The following ZFPM2 variants were observed in gnomAD, a reference collection of about 807,000 sequenced individuals.
The protein encoded by ZFPM2 is zinc finger protein ZFPM2.
Under a neutral mutation model 98.6 loss-of-function variants are expected in ZFPM2, and 20 were observed. The observed-to-expected ratio is 0.20, with a 90% CI of 0.14 to 0.29. The LOEUF is 0.29. Ranked by LOEUF, ZFPM2 falls within the 10% of genes least tolerant of loss-of-function variation. The pLI, the probability that ZFPM2 is intolerant of heterozygous loss-of-function variation, is 1.00. For missense variants in ZFPM2, 1,310 were observed against 1,388.6 expected, an observed-to-expected ratio of 0.94 and a Z score of 0.90; for synonymous variants, 518 against 502.7, an observed-to-expected ratio of 1.03 and a Z score of -0.41.
intron 5 of ZFPM2, among the ~76,000 whole-genome samples, chr8:105,730,379 G>T (rs17220879): frequency 2.0e-5 from 3 of 151,644 alleles, no homozygotes; most frequent in Admixed American, 6.6e-5. Flanking sequence ...CTCATATTTA[G>T]GTCCCACTGC....
rs1563606984 is a variant in ZFPM2 at position 105,330,619 on chromosome 8, T to TATATATACATATATATATACAC, written c.40+11645_40+11646insCATATATATATACACATATATA. Among the ~76,000 whole-genome samples, 432 of 88,444 alleles carry TATATATACATATATATATACAC rather than the reference T, an allele frequency of 4.9e-3. 20 individuals carry two copies. The highest frequency in any genetic ancestry group is 0.01 in the Admixed American group (82 of 8,054). 58.0% of individuals were successfully genotyped at this position (88,444 alleles called of 152,430 possible). A position where few individuals can be genotyped will look rare whatever the true frequency, so the allele number is the denominator to read the frequency against. ...ACATATATATATATATACACATATATATATATATATATACATATATATATA... is the reference window on the plus strand; with the variant it reads ...ACATATATATATATATACACATATATATATATACATATATATATACACATATATATATATACATATATATATA... On this transcript the variant is annotated intron_variant, in intron 1 of 7. Coordinates refer to ENST00000407775, the MANE Select transcript of ZFPM2 (RefSeq NM_012082.4).
intron 5 of ZFPM2, among the ~76,000 whole-genome samples, chr8:105,689,907 C>A (rs187995394): frequency 6.6e-4 from 100 of 152,260 alleles, no homozygotes; most frequent in African/African-American, 2.3e-3. Flanking sequence ...AGGATACAGA[C>A]TGAAAGAGAG....
intron 5 of ZFPM2, among the ~76,000 whole-genome samples, chr8:105,668,482 A>G (rs1005860101): frequency 2.0e-5 from 3 of 152,178 alleles, no homozygotes; most frequent in African/African-American, 7.2e-5. Context: ...TTCAGGCAGT[A>G]GAAGTATCCC....
chr8:105,788,759 G>C lies in ZFPM2; in HGVS notation c.574G>C (p.Gly192Arg). Residue 192 changes from glycine (G) to arginine (R), a missense_variant, in exon 6 of 8, where the codon GGT (glycine) becomes CGT (arginine). Coordinates refer to ENST00000407775, the MANE Select transcript of ZFPM2 (RefSeq NM_012082.4). Reference sequence around the variant, plus strand: ...TACAACTACGAAGGCCATCTCTGAGGGTGAAGAGCTAATTGCCTTTGTGGT... The same window carrying C: ...TACAACTACGAAGGCCATCTCTGAGCGTGAAGAGCTAATTGCCTTTGTGGT... ...WCTTTKAISE[G>R]EELIAFVVDF... The C allele has an allele frequency of 6.2e-7, 1 of 1,613,952 alleles. No homozygotes were observed.
chr8:105,428,169 G>T (rs967124011), intron 2 of ZFPM2, among the ~76,000 whole-genome samples: 1 of 152,138 alleles, frequency 6.6e-6, no homozygotes, highest in Non-Finnish European at 1.5e-5. Flanking sequence ...ATCTGAAGAA[G>T]GTTAGATATA....
intron 1 of ZFPM2, among the ~76,000 whole-genome samples, chr8:105,401,704 A>C (rs1008383452): frequency 6.6e-6 from 1 of 152,244 alleles, no homozygotes; most frequent in South Asian, 2.1e-4. Flanking sequence ...TGAACCCCAA[A>C]CTATCAAAAC....
intron 5 of ZFPM2, among the ~76,000 whole-genome samples, chr8:105,781,649 CAG>C (rs1813253153): frequency 6.6e-6 from 1 of 152,050 alleles, no homozygotes; most frequent in Non-Finnish European, 1.5e-5. Context: ...AGCTGGGAGA[CAG>C]AGGTTGCAGT....
At chr8:105,658,289 T>C (rs1008955630) in intron 5 of ZFPM2, among the ~76,000 whole-genome samples, 4 of 152,042 alleles carry the variant, frequency 2.6e-5, no homozygotes, top group Admixed American at 2.6e-4. Context: ...CAGTCAGTCT[T>C]TAGAAATCAA....
At chr8:105,420,855 T>A (rs1252929326) in intron 2 of ZFPM2, among the ~76,000 whole-genome samples, 1 of 152,170 alleles carries the variant, frequency 6.6e-6, no homozygotes, top group Non-Finnish European at 1.5e-5. Context: ...AGAAGGTGAA[T>A]AAAAGAGTTA....
chr8:105,517,359 A>G (rs1813946035), intron 3 of ZFPM2, among the ~76,000 whole-genome samples: 1 of 152,228 alleles, frequency 6.6e-6, no homozygotes, highest in Admixed American at 6.5e-5. Flanking sequence ...ACTTGATGAT[A>G]TAAAAATTCT....
intron 5 of ZFPM2, among the ~76,000 whole-genome samples, chr8:105,749,453 A>G (rs955238630): frequency 1.3e-5 from 2 of 152,032 alleles, no homozygotes; most frequent in African/African-American, 2.4e-5. Context: ...TGAAACCTGC[A>G]TTACTTCCTC....
At chr8:105,514,696 TC>T (rs1452319179) in intron 3 of ZFPM2, among the ~76,000 whole-genome samples, 4 of 152,194 alleles carry the variant, frequency 2.6e-5, no homozygotes, top group African/African-American at 9.7e-5. Flanking sequence ...TCCTGTTACT[TC>T]CCTGAGGGTC....
chr8:105,556,533 G>A (rs1814994284), intron 3 of ZFPM2, among the ~76,000 whole-genome samples: 1 of 152,044 alleles, frequency 6.6e-6, no homozygotes, highest in Non-Finnish European at 1.5e-5. Flanking sequence ...GGATCACATG[G>A]CTTATTACAG....
At chr8:105,441,498 G>GAAATCAA (rs1812249060) in intron 2 of ZFPM2, among the ~76,000 whole-genome samples, 6 of 105,958 alleles carry the variant, frequency 5.7e-5, no homozygotes, top group African/African-American at 2.4e-4. Context: ...AAGAAAGAAA[G>GAAATCAA]AAATCAAAGC....
chr8:105,442,348 C>CAAAACA (rs948658447), intron 2 of ZFPM2, among the ~76,000 whole-genome samples: 3 of 151,816 alleles, frequency 2.0e-5, no homozygotes, highest in South Asian at 2.1e-4. Flanking sequence ...CGTCTCAAAG[C>CAAAACA]AAAACAAAAA....
At chr8:105,639,531 A>C (rs1816910010) in intron 5 of ZFPM2, among the ~76,000 whole-genome samples, 1 of 152,036 alleles carries the variant, frequency 6.6e-6, no homozygotes, top group Admixed American at 6.6e-5. Flanking sequence ...TATTATAAAA[A>C]TCTATATTTC....
At chr8:105,713,774 T>G (rs1811456746) in intron 5 of ZFPM2, among the ~76,000 whole-genome samples, 1 of 152,132 alleles carries the variant, frequency 6.6e-6, no homozygotes, top group Admixed American at 6.6e-5. Flanking sequence ...GTTATAGGTG[T>G]GTGGCTTTAT....
At chr8:105,656,244 C>G (rs750828919) in intron 5 of ZFPM2, among the ~76,000 whole-genome samples, 23 of 152,126 alleles carry the variant, frequency 1.5e-4, no homozygotes, top group Non-Finnish European at 3.4e-4. Context: ...ATGAAACCCT[C>G]CTGGTTCCTA....
rs1177416315 is a variant in ZFPM2, at chr8:105,594,050, G to T, written c.420+32569G>T. On this transcript the variant is annotated intron_variant, in intron 4 of 7. Transcript: ENST00000407775. ...ATATTTCACTGAGTATTCTCCAGGGGTTCCAGGGTTATTGTAGTAAAAACT... is the reference window on the plus strand; with the variant it reads ...ATATTTCACTGAGTATTCTCCAGGGTTTCCAGGGTTATTGTAGTAAAAACT... 2.0e-5 allele frequency among the ~76,000 whole-genome samples: 3 copies of T among 152,100 alleles called. No individual in the cohort carries two copies. In the East Asian group the frequency reaches 5.8e-4, roughly 29 times the overall value.
Sources: allele counts gnomAD v4.1 joint callset (sites outside exome capture counted in the v4.1 genomes callset), GRCh38; gene constraint gnomAD v4.1.1; transcripts MANE v1.5; gene names NCBI Gene and HGNC (gene_info 2026-07-23, HGNC 2026-07-21).